Variants in KCNIP4 observed in about 807,000 individuals in gnomAD.
The protein encoded by KCNIP4 is potassium voltage-gated channel interacting protein 4.
In KCNIP4, 12 loss-of-function variants were observed where a neutral mutation model predicts 34.0. The ratio of observed to expected loss-of-function variants is 0.35; its 90% CI spans 0.23 to 0.57. The LOEUF (loss-of-function observed/expected upper bound fraction) is 0.57, where lower values mean the gene tolerates loss of function less well. Ranked by LOEUF, KCNIP4 falls within the 20% of genes least tolerant of loss-of-function variation. KCNIP4 has a pLI of 0.83. For synonymous variants in KCNIP4, 124 were observed against 102.2 expected (o/e 1.21, Z -1.29); for missense variants, 238 against 311.7 (o/e 0.76, Z 1.78).
At chr4:21,830,141 G>A (rs538515041) in intron 1 of KCNIP4, among the ~76,000 whole-genome samples, 1 of 152,204 alleles carries the variant, frequency 6.6e-6, no homozygotes, top group East Asian at 1.9e-4. Flanking sequence ...AAATATTAAA[G>A]ATGGAAAAAT....
intron 1 of KCNIP4, among the ~76,000 whole-genome samples, chr4:21,947,430 C>A (rs575030598): frequency 6.6e-6 from 1 of 152,174 alleles, no homozygotes; most frequent in African/African-American, 2.4e-5. Flanking sequence ...TAAGACTGTT[C>A]TCTTTAAAAT....
chr4:21,908,616 G>T (rs1315067031), intron 1 of KCNIP4, among the ~76,000 whole-genome samples: 5 of 152,130 alleles, frequency 3.3e-5, no homozygotes, highest in Non-Finnish European at 7.3e-5. Flanking sequence ...AAGGTATCTG[G>T]AATATAACGG....
chr4:20,862,188 G>A (rs773909549), intron 2 of KCNIP4, among the ~76,000 whole-genome samples: 6 of 151,798 alleles, frequency 4.0e-5, no homozygotes, highest in African/African-American at 7.2e-5. Context: ...ACGGGGTTTC[G>A]CTATGTTGGC....
intron 5 of KCNIP4, among the ~76,000 whole-genome samples, chr4:20,735,020 T>C (rs1055050078): frequency 2.0e-5 from 3 of 152,220 alleles, no homozygotes; most frequent in South Asian, 2.1e-4. Context: ...TAAGTGGTAT[T>C]GGCTTTCCAC....
rs187563278 is a variant in KCNIP4, at chr4:21,507,442, A to G, written c.61+441129T>C. ...GACACGACCAGCTAATTTTTAGTAG[A>G]GACAGGGTTTGACCGTGTTGCCCAG... On this transcript the variant is annotated intron_variant, in intron 1 of 8. Coordinates refer to ENST00000382152, the MANE Select transcript of KCNIP4 (RefSeq NM_025221.6). Among the ~76,000 whole-genome samples, 45 of 152,058 alleles carry G rather than the reference A, an allele frequency of 3.0e-4. 1 individual carries two copies. The highest frequency in any genetic ancestry group is 1.0e-3 in the African/African-American group (42 of 41,526).
At chr4:21,029,317 G>C (rs1000479974) in intron 1 of KCNIP4, among the ~76,000 whole-genome samples, 1 of 152,126 alleles carries the variant, frequency 6.6e-6, no homozygotes, top group Non-Finnish European at 1.5e-5. Flanking sequence ...TGAGTGCAAA[G>C]TTGTTATATT....
chr4:21,152,787 T>C (rs1245969257), intron 1 of KCNIP4, among the ~76,000 whole-genome samples: 1 of 152,182 alleles, frequency 6.6e-6, no homozygotes, highest in African/African-American at 2.4e-5. Context: ...AGCCGCGGCA[T>C]TAGATTCTCA....
At chr4:21,111,795 G>A (rs571063466) in intron 1 of KCNIP4, among the ~76,000 whole-genome samples, 8 of 152,240 alleles carry the variant, frequency 5.3e-5, no homozygotes, top group African/African-American at 9.6e-5. Flanking sequence ...GAGACAGTGC[G>A]GAGAAATGAT....
At chr4:20,791,620 T>C (rs1029703686) in intron 3 of KCNIP4, among the ~76,000 whole-genome samples, 1 of 152,216 alleles carries the variant, frequency 6.6e-6, no homozygotes, top group African/African-American at 2.4e-5. Context: ...AGATGTTTGC[T>C]ATAAACCCTA....
chr4:21,700,144 T>C (rs919430321), intron 1 of KCNIP4, among the ~76,000 whole-genome samples: 1 of 152,214 alleles, frequency 6.6e-6, no homozygotes, highest in African/African-American at 2.4e-5. Context: ...ATTGAGTTTT[T>C]TGAGATACTC....
At position 21,102,224 on chromosome 4, in the gene KCNIP4, G is replaced by A. The variant is rs1021538007; in HGVS notation, c.62-219515C>T. Among the ~76,000 whole-genome samples the A allele has an allele frequency of 2.0e-5, 3 of 152,182 alleles. No homozygotes were observed. In the East Asian group the frequency reaches 5.8e-4, roughly 29 times the overall value. ...TTAGCTATACATCATTATTTTATATGTTGTATTTGCTGATACAGAGATTCA... is the reference window on the plus strand; with the variant it reads ...TTAGCTATACATCATTATTTTATATATTGTATTTGCTGATACAGAGATTCA... On this transcript the variant is annotated intron_variant, in intron 1 of 8. Transcript: ENST00000382152.
At chr4:21,673,136 C>T (rs757829662) in intron 1 of KCNIP4, among the ~76,000 whole-genome samples, 3 of 152,142 alleles carry the variant, frequency 2.0e-5, no homozygotes, top group Non-Finnish European at 4.4e-5. Context: ...AGGGTGAATA[C>T]CAGGAGGTGG....
At chr4:20,962,867 T>C (rs1284668721) in intron 1 of KCNIP4, among the ~76,000 whole-genome samples, 1 of 152,220 alleles carries the variant, frequency 6.6e-6, no homozygotes, top group Non-Finnish European at 1.5e-5. Flanking sequence ...TCATGTCTTA[T>C]CCATTTCAGT....
chr4:21,106,593 T>C (rs1472883851), intron 1 of KCNIP4, among the ~76,000 whole-genome samples: 1 of 151,536 alleles, frequency 6.6e-6, no homozygotes, highest in African/African-American at 2.4e-5. Flanking sequence ...GTGTCTCTAT[T>C]TCCTTCAGGT....
At chr4:21,205,690 A>T (rs535454939) in intron 1 of KCNIP4, among the ~76,000 whole-genome samples, 1 of 152,284 alleles carries the variant, frequency 6.6e-6, no homozygotes, top group South Asian at 2.1e-4. Context: ...TCTTATCTCC[A>T]TTTTATAGTT....
chr4:21,544,249 T>TTCTCTCTC lies in KCNIP4; in HGVS notation c.61+404314_61+404321dup, dbSNP rs3049991. 1.3e-4 allele frequency: 19 copies of TTCTCTCTC among 149,266 alleles called. No homozygotes were observed. The South Asian group carries it at 1.7e-3, about 13-fold the overall frequency. The allele number at this position is 149,266 out of a possible 1,614,324, so 9.2% of individuals were successfully genotyped here. A position where few individuals can be genotyped will look rare whatever the true frequency, so the allele number is the denominator to read the frequency against. On this transcript the variant is annotated intron_variant, in intron 1 of 8. Coordinates refer to ENST00000382152, the MANE Select transcript of KCNIP4 (RefSeq NM_025221.6). The stretch of plus-strand genomic sequence containing the variant: ...TATGAGAAATTCTCTCTCTGTCTCT[T>TTCTCTCTC]TCTCTCTCTCTCTCTCTCTCTCACA...
chr4:21,527,307 G>C (rs993012548), intron 1 of KCNIP4, among the ~76,000 whole-genome samples: 1 of 152,032 alleles, frequency 6.6e-6, no homozygotes, highest in Non-Finnish European at 1.5e-5. Flanking sequence ...CCCTTACCTT[G>C]GCTAATATTT....
intron 4 of KCNIP4, among the ~76,000 whole-genome samples, chr4:20,755,318 G>C (rs1194652451): frequency 6.6e-6 from 1 of 152,046 alleles, no homozygotes; most frequent in African/African-American, 2.4e-5. Flanking sequence ...AAACCAAATG[G>C]ATTAAAACCC....
intron 1 of KCNIP4, among the ~76,000 whole-genome samples, chr4:21,791,846 A>G (rs1156723895): frequency 6.6e-6 from 1 of 151,954 alleles, no homozygotes; most frequent in East Asian, 1.9e-4. Flanking sequence ...TACTAAAAAT[A>G]CAAAAATTAG....
Sources: allele counts gnomAD v4.1 joint callset (sites outside exome capture counted in the v4.1 genomes callset), GRCh38; gene constraint gnomAD v4.1.1; transcripts MANE v1.5; gene names NCBI Gene and HGNC (gene_info 2026-07-23, HGNC 2026-07-21).